Variants in ASIC2 observed in about 807,000 individuals in gnomAD.
ASIC2 encodes acid sensing ion channel subunit 2.
In ASIC2, 25 loss-of-function variants were observed where a neutral mutation model predicts 57.3. The observed-to-expected ratio is 0.44, with a 90% CI of 0.32 to 0.61. ASIC2 has a LOEUF of 0.61. ASIC2 is among the 20% of genes least tolerant of loss of function. The pLI is 0.06. For synonymous variants in ASIC2, 319 were observed against 307.5 expected (o/e 1.04, Z -0.39); for missense variants, 641 against 738.1 (o/e 0.87, Z 1.52).
At chr17:33,790,848 C>T (rs115860240) in intron 1 of ASIC2, among the ~76,000 whole-genome samples, 233 of 152,242 alleles carry the variant, frequency 1.5e-3, no homozygotes, top group African/African-American at 5.5e-3. Context: ...TTATCATGTA[C>T]CAGACATGAT....
At chr17:33,389,381 G>T (rs1310918752) in intron 1 of ASIC2, among the ~76,000 whole-genome samples, 1 of 152,156 alleles carries the variant, frequency 6.6e-6, no homozygotes, top group Non-Finnish European at 1.5e-5. Context: ...GAGGAATATT[G>T]ATATGAACAC....
chr17:33,255,682 T>G (rs1243118022), intron 1 of ASIC2, among the ~76,000 whole-genome samples: 1 of 152,154 alleles, frequency 6.6e-6, no homozygotes, highest in Non-Finnish European at 1.5e-5. Context: ...TGTAAGCATG[T>G]GCCACTATGG....
intron 1 of ASIC2, among the ~76,000 whole-genome samples, chr17:34,019,206 C>CAA (rs775702470): frequency 1.9e-3 from 289 of 152,194 alleles, no homozygotes; most frequent in African/African-American, 6.7e-3. Context: ...CACGCCTGGC[C>CAA]AAAGTAGATT....
At chr17:33,465,372 C>CTTTTTTTTTTTTTT (rs67424466) in intron 1 of ASIC2, among the ~76,000 whole-genome samples, 1 of 88,278 alleles carries the variant, frequency 1.1e-5, no homozygotes, top group African/African-American at 4.4e-5. Flanking sequence ...TTTTCTTTTT[C>CTTTTTTTTTTTTTT]TTTTTTTTTT....
intron 7 of ASIC2, among the ~76,000 whole-genome samples, chr17:33,019,425 G>T (rs1467704960): frequency 6.6e-6 from 1 of 151,958 alleles, no homozygotes; most frequent in African/African-American, 2.4e-5. Flanking sequence ...TGTGTGATTG[G>T]AACGTGGGGC....
At chr17:33,966,275 A>G (rs1331996911) in intron 1 of ASIC2, among the ~76,000 whole-genome samples, 2 of 152,166 alleles carry the variant, frequency 1.3e-5, no homozygotes, top group Non-Finnish European at 2.9e-5. Flanking sequence ...TGAGGATAGC[A>G]TGGGCTTTGG....
intron 1 of ASIC2, among the ~76,000 whole-genome samples, chr17:33,915,978 G>A (rs1403808344): frequency 6.6e-6 from 1 of 152,100 alleles, no homozygotes; most frequent in Non-Finnish European, 1.5e-5. Flanking sequence ...CCCAGAGGAG[G>A]GAGACTCAAA....
rs187787794 is a variant in ASIC2 at position 34,138,275 on chromosome 17, C to T, written c.555+17703G>A. On this transcript the variant is annotated intron_variant, in intron 1 of 9. Transcript: ENST00000359872. ...AGGATGCAATGCATTAAAACACATGCGGTGCTTTAAACATTGCCTGGCACA... is the reference window on the plus strand; with the variant it reads ...AGGATGCAATGCATTAAAACACATGTGGTGCTTTAAACATTGCCTGGCACA... Among the ~76,000 whole-genome samples the T allele has an allele frequency of 2.0e-5, 3 of 152,302 alleles. No homozygotes were observed. In the East Asian group the frequency reaches 5.8e-4, roughly 29 times the overall value.
intron 1 of ASIC2, among the ~76,000 whole-genome samples, chr17:33,266,251 A>C (rs1347034085): frequency 6.6e-6 from 1 of 152,170 alleles, no homozygotes; most frequent in Non-Finnish European, 1.5e-5. Flanking sequence ...CCCCCCATCC[A>C]GAACATAAAC....
chr17:33,420,239 G>A (rs761222885), intron 1 of ASIC2, among the ~76,000 whole-genome samples: 43 of 152,298 alleles, frequency 2.8e-4, no homozygotes, highest in Admixed American at 4.6e-4. Context: ...GCCCACTTTG[G>A]GGAGGAAGTG....
At chr17:33,243,544 T>C (rs1050488786) in intron 1 of ASIC2, among the ~76,000 whole-genome samples, 10 of 150,760 alleles carry the variant, frequency 6.6e-5, no homozygotes, top group African/African-American at 2.2e-4. Context: ...TTCTGGCTGG[T>C]AGACAGAAGG....
chr17:33,272,667 C>A (rs1904545374), intron 1 of ASIC2, among the ~76,000 whole-genome samples: 1 of 152,140 alleles, frequency 6.6e-6, no homozygotes, highest in Non-Finnish European at 1.5e-5. Context: ...ATCACTATCA[C>A]CAACATTGTC....
At chr17:33,499,808 A>G (rs1914047617) in intron 1 of ASIC2, among the ~76,000 whole-genome samples, 1 of 152,254 alleles carries the variant, frequency 6.6e-6, no homozygotes, top group South Asian at 2.1e-4. Context: ...AGCTGCCACC[A>G]TAAGGGCAAG....
chr17:34,022,641 CAA>C (rs755726883), intron 1 of ASIC2, among the ~76,000 whole-genome samples: 2 of 124,790 alleles, frequency 1.6e-5, no homozygotes, highest in African/African-American at 5.8e-5. Context: ...AAAAAAAAAA[CAA>C]AAAAAAAAAC....
At chr17:33,999,414 G>C (rs1481107680) in intron 1 of ASIC2, among the ~76,000 whole-genome samples, 2 of 152,084 alleles carry the variant, frequency 1.3e-5, no homozygotes, top group African/African-American at 4.8e-5. Context: ...ATTGATTTCT[G>C]ATTGTTTTGT....
chr17:33,729,220 G>C (rs1222348822), intron 1 of ASIC2, among the ~76,000 whole-genome samples: 1 of 152,168 alleles, frequency 6.6e-6, no homozygotes, highest in Non-Finnish European at 1.5e-5. Flanking sequence ...AGGAGAAGGG[G>C]GAGCAGATGC....
At chr17:33,099,214 T>C (rs1005979022) in intron 2 of ASIC2, among the ~76,000 whole-genome samples, 1 of 151,938 alleles carries the variant, frequency 6.6e-6, no homozygotes, top group Non-Finnish European at 1.5e-5. Context: ...ACGGGGTTTC[T>C]CCATGTTGGC....
At chr17:33,068,545 A>AAAACG (rs1206896093) in intron 3 of ASIC2, among the ~76,000 whole-genome samples, 1 of 152,030 alleles carries the variant, frequency 6.6e-6, no homozygotes, top group Non-Finnish European at 1.5e-5. Context: ...AAAACAAAAC[A>AAAACG]AAACAAAACA....
At chr17:33,467,138 G>C (rs938627059) in intron 1 of ASIC2, among the ~76,000 whole-genome samples, 2 of 152,150 alleles carry the variant, frequency 1.3e-5, no homozygotes, top group African/African-American at 4.8e-5. Context: ...ACAGGGTTTT[G>C]CCATGTTGAC....
Sources: gnomAD v4.1 joint callset for allele counts (sites outside exome capture counted in the v4.1 genomes callset) on GRCh38, gnomAD v4.1.1 for gene constraint, MANE v1.5 for transcripts, NCBI Gene and HGNC (gene_info 2026-07-23, HGNC 2026-07-21) for gene names.